The following UNC13A variants were observed in gnomAD, a reference collection of about 807,000 sequenced individuals.
UNC13A encodes unc-13 homolog A.
A neutral mutation model predicts 219.7 loss-of-function variants in UNC13A; 61 were observed. The observed-to-expected ratio is 0.28, with a 90% confidence interval of 0.23 to 0.34. The LOEUF (loss-of-function observed/expected upper bound fraction) is 0.34, where lower values mean the gene tolerates loss of function less well. Among genes scored for constraint, UNC13A ranks in the 10% least tolerant of loss-of-function variants. UNC13A has a pLI of 1.00. For missense variants in UNC13A, 1,476 were observed against 2,270.3 expected, an observed-to-expected ratio of 0.65 and a Z score of 7.11; for synonymous variants, 920 against 884.6, an observed-to-expected ratio of 1.04 and a Z score of -0.71.
At chr19:17,672,712 C>T (rs1202245080) in intron 3 of UNC13A, among the ~76,000 whole-genome samples, 1 of 152,082 alleles carries the variant, frequency 6.6e-6, no homozygotes, top group Non-Finnish European at 1.5e-5. Flanking sequence ...ACAAAAGAAC[C>T]AGGATTCAAA....
chr19:17,647,150 C>G, intron 17 of UNC13A, 115 bp downstream of exon 17: 2 of 996,706 alleles, frequency 2.0e-6, no homozygotes, highest in South Asian at 3.2e-5. Context: ...ATGGAATGCA[C>G]CCGACCGAGT....
rs762256583 is a variant in UNC13A at position 17,624,819 on chromosome 19, C to T, written c.4197+10G>A. ...CCTAAATGTCCCCTCGGGCCCCCTGCAGGTCTCACCGTCTGGTCAGTGAGG... is the reference window on the plus strand; with the variant it reads ...CCTAAATGTCCCCTCGGGCCCCCTGTAGGTCTCACCGTCTGGTCAGTGAGG... On this transcript the variant is annotated intron_variant, in intron 35 of 43. Coordinates refer to ENST00000519716, the MANE Select transcript of UNC13A (RefSeq NM_001080421.3). The T allele has an allele frequency of 1.2e-6, 2 of 1,610,992 alleles. No homozygotes were observed. The highest frequency in any genetic ancestry group is 1.7e-5 in the Admixed American group (1 of 59,638).
chr19:17,679,735 A>G (rs1212469588), intron 1 of UNC13A, among the ~76,000 whole-genome samples: 5 of 150,878 alleles, frequency 3.3e-5, no homozygotes, highest in Admixed American at 3.3e-4. Context: ...TCCCCGTTCT[A>G]TTTCTCTCCA....
intron 40 of UNC13A, among the ~76,000 whole-genome samples, chr19:17,618,085 A>C (rs909098430): frequency 6.6e-6 from 1 of 151,726 alleles, no homozygotes; most frequent in Admixed American, 6.6e-5. Flanking sequence ...CCTTCCCTCT[A>C]CCCTTCTACA....
Position 17,627,387 on chromosome 19 carries a change from C to A in UNC13A, c.3920+122G>T. 1.3e-6 allele frequency: 1 copy of A among 748,760 alleles called. No individual in the cohort carries two copies. 46.4% of individuals were successfully genotyped at this position (748,760 alleles called of 1,614,324 possible). On this transcript the variant is annotated intron_variant, in intron 33 of 43. Coordinates refer to ENST00000519716, the MANE Select transcript of UNC13A (RefSeq NM_001080421.3). This position sits in a 1 kb window ranked among gnomAD's most constrained non-coding sequence, Gnocchi z 4.7. ...CAGTAAAGCCAAGATTTGAACTCAG[C>A]CTTGTCTAACTCTGAGCCTGCAATC...
intron 6 of UNC13A, 74 bp downstream of exon 6, chr19:17,668,043 T>C: frequency 6.8e-7 from 1 of 1,469,216 alleles, no homozygotes; most frequent in Non-Finnish European, 9.5e-7. Flanking sequence ...AGAAACAGCA[T>C]CTGTAAGTGA....
At position 17,652,801 on chromosome 19, in the gene UNC13A, T is replaced by C; in HGVS notation, c.1393-124A>G. 4 of 1,053,792 alleles carry C rather than the reference T, an allele frequency of 3.8e-6. No homozygotes were observed. The South Asian group carries it at 5.6e-5, about 15-fold the overall frequency. 65.3% of individuals were successfully genotyped at this position (1,053,792 alleles called of 1,614,324 possible). A position where few individuals can be genotyped will look rare whatever the true frequency, so the allele number is the denominator to read the frequency against. The stretch of plus-strand genomic sequence containing the variant: ...AGATGGCCTGGGTCCTAGTCCTGGC[T>C]GAGTGATTTTAGGAAGCTCCGTGGC... On this transcript the variant is annotated intron_variant, in intron 11 of 43. Coordinates refer to ENST00000519716, the MANE Select transcript of UNC13A (RefSeq NM_001080421.3).
chr19:17,611,495 A>G (rs2076603416), intron 42 of UNC13A, among the ~76,000 whole-genome samples: 2 of 152,178 alleles, frequency 1.3e-5, no homozygotes, highest in South Asian at 4.1e-4. Flanking sequence ...GTCTTATTTA[A>G]GCCATGTCAA....
chr19:17,656,987 C>A (rs905180508), intron 9 of UNC13A, among the ~76,000 whole-genome samples: 3 of 152,118 alleles, frequency 2.0e-5, no homozygotes, highest in Non-Finnish European at 4.4e-5. Context: ...CTGTCCTCCA[C>A]CTGGAAAAAG....
intron 28 of UNC13A, among the ~76,000 whole-genome samples, chr19:17,631,069 C>CTCCCTCCT (rs1286036076): frequency 7.8e-6 from 1 of 128,470 alleles, no homozygotes; most frequent in East Asian, 2.1e-4. Context: ...CCCTCCCTCC[C>CTCCCTCCT]TCCCTCCTTC....
rs182081351 is a variant in UNC13A at position 17,601,558 on chromosome 19, G to A, written c.*4496C>T. The A allele has an allele frequency of 6.6e-6, 1 of 152,432 alleles. No individual in the cohort carries two copies. Among genetic ancestry groups the A allele is most frequent in the African/African-American group, 2.4e-5 (1 of 41,444 alleles). The allele number at this position is 152,432 out of a possible 1,614,324, so 9.4% of individuals were successfully genotyped here. A position where few individuals can be genotyped will look rare whatever the true frequency, so the allele number is the denominator to read the frequency against. On this transcript the variant is annotated 3_prime_UTR_variant, in exon 44 of 44. Transcript: ENST00000519716. Reference sequence around the variant, plus strand: ...CAAAACAAAACAAAAAACAAACAACGTTTTGATTTCACATCTGCAATCACA... The same window carrying A: ...CAAAACAAAACAAAAAACAAACAACATTTTGATTTCACATCTGCAATCACA...
At position 17,684,385 on chromosome 19, in the gene UNC13A, G is replaced by C. The variant is rs543428225; in HGVS notation, c.22+3793C>G. On this transcript the variant is annotated intron_variant, in intron 1 of 43. Coordinates refer to ENST00000519716, the MANE Select transcript of UNC13A (RefSeq NM_001080421.3). ...CTTTCATTCTAACCCCATGGGACGT[G>C]CAGGAGTGATGGCTAGGAATAGGGC... is the stretch of plus-strand genomic sequence containing the variant. 7.2e-5 allele frequency among the ~76,000 whole-genome samples: 11 copies of C among 152,300 alleles called. No individual in the cohort carries two copies. In the East Asian group the frequency reaches 1.7e-3, roughly 24 times the overall value.
At chr19:17,657,657 G>T (rs2079481276) in intron 9 of UNC13A, among the ~76,000 whole-genome samples, 1 of 152,058 alleles carries the variant, frequency 6.6e-6, no homozygotes, top group Admixed American at 6.6e-5. Context: ...GGAATAAAAA[G>T]GGGTTCAAGA....
chr19:17,683,568 A>G (rs7248569), intron 1 of UNC13A, among the ~76,000 whole-genome samples: 94,224 of 151,328 alleles, frequency 0.62, 31,015 homozygotes, highest in African/African-American at 0.79. Context: ...TGAGGCAGGA[A>G]AATCGCTTGA....
chr19:17,662,888 C>T (rs1840864757), intron 8 of UNC13A, among the ~76,000 whole-genome samples: 1 of 150,132 alleles, frequency 6.7e-6, no homozygotes, highest in South Asian at 2.1e-4. Flanking sequence ...CCACTGCCCT[C>T]CAGCCTGGGT....
Position 17,669,690 on chromosome 19 carries a change from G to A in UNC13A, c.271-14C>T. On this transcript the variant is annotated splice_polypyrimidine_tract_variant and intron_variant, in intron 4 of 43. Coordinates refer to ENST00000519716, the MANE Select transcript of UNC13A (RefSeq NM_001080421.3). The stretch of plus-strand genomic sequence containing the variant: ...TCCAGGGCCCTCCTGGGGGTTGGGG[G>A]AGGAGGTGTGTGGGTCAGGAATCTG... 1 of 1,600,782 alleles carries A rather than the reference G, an allele frequency of 6.2e-7. No homozygotes were observed. The highest frequency in any genetic ancestry group is 1.1e-5 in the South Asian group (1 of 89,014).
At chr19:17,666,821 C>T in intron 6 of UNC13A, 117 bp from the exon 7 acceptor site, 1 of 609,900 alleles carries the variant, frequency 1.6e-6, no homozygotes. Context: ...AATTCTCTCC[C>T]TCTCTATGAG....
rs1164424199 is a variant in UNC13A, at chr19:17,656,173, G to A, written c.993C>T (p.Phe331=). 1.3e-6 allele frequency: 2 copies of A among 1,552,214 alleles called. No homozygotes were observed. Among genetic ancestry groups the A allele is most frequent in the Non-Finnish European group, 1.7e-6 (2 of 1,147,124 alleles). The change falls in exon 10 of 44, where the codon TTC becomes TTT. Residue 331 remains phenylalanine (F), a synonymous_variant. Transcript: ENST00000519716. ...CTTCAGGCAGCTCCTCCTCCTCCAG[G>A]AAGTCCTCCAGGTCCTCCTCCAGCT... ...EEELEEDLED[F]LEEEELPEDE... is the part of the protein sequence containing the mutation.
Position 17,649,471 on chromosome 19 carries a change from C to A in UNC13A, c.1518+38G>T. ...CAGGTTGTGCACTGCTTATAGCAGG[C>A]CTGCTCTGCTCAGGGAGTAAAGGGC... is the stretch of plus-strand genomic sequence containing the variant. On this transcript the variant is annotated intron_variant, in intron 13 of 43. Transcript: ENST00000519716. The surrounding 1 kb of genome is among the most constrained non-coding windows in gnomAD (Gnocchi z 4.4). 1 of 1,613,534 alleles carries A rather than the reference C, an allele frequency of 6.2e-7. No individual in the cohort carries two copies.
Sources: gnomAD v4.1 joint callset for allele counts (sites outside exome capture counted in the v4.1 genomes callset) on GRCh38, gnomAD v4.1.1 for gene constraint, Gnocchi (gnomAD v3.1) non-coding constraint, MANE v1.5 for transcripts, NCBI Gene and HGNC (gene_info 2026-07-23, HGNC 2026-07-21) for gene names.